EXOC6B: variants seen among roughly 807,000 people sequenced by gnomAD.
EXOC6B encodes the protein SEC15 homolog B.
Under a neutral mutation model 113.5 loss-of-function variants are expected in EXOC6B, and 54 were observed. That is an observed-to-expected ratio of 0.48 (90% CI 0.38 to 0.60). The LOEUF is 0.60. Ranked by LOEUF, EXOC6B falls within the 20% of genes least tolerant of loss-of-function variation. The probability of loss-of-function intolerance (pLI) is 0.00; values close to 1 mark genes in which losing one functional copy is unlikely to be tolerated. For synonymous variants in EXOC6B, 357 were observed against 339.0 expected (o/e 1.05, Z -0.58); for missense variants, 797 against 977.5 (o/e 0.82, Z 2.46).
chr2:72,417,113 C>G (rs1032539610), intron 18 of EXOC6B, among the ~76,000 whole-genome samples: 1 of 152,018 alleles, frequency 6.6e-6, no homozygotes, highest in Non-Finnish European at 1.5e-5. Context: ...TCAGCTTATA[C>G]TCAATTATAA....
Position 72,513,115 on chromosome 2 carries a change from T to C in EXOC6B, c.1167+17A>G, listed in dbSNP as rs1440964427. The C allele has an allele frequency of 6.2e-7, 1 of 1,612,118 alleles. No homozygotes were observed. The highest frequency in any genetic ancestry group is 8.5e-7 in the Non-Finnish European group (1 of 1,178,906). ...AATCAGCTCTAAATAACAACTTCCCTTGGGCTTCTTACATACCGAGTGGGT... is the reference window on the plus strand; with the variant it reads ...AATCAGCTCTAAATAACAACTTCCCCTGGGCTTCTTACATACCGAGTGGGT... On this transcript the variant is annotated intron_variant, in intron 11 of 21. Transcript: ENST00000272427.
intron 20 of EXOC6B, among the ~76,000 whole-genome samples, chr2:72,188,702 C>T (rs538208764): frequency 6.6e-6 from 1 of 152,214 alleles, no homozygotes; most frequent in Non-Finnish European, 1.5e-5. Context: ...TGTTAGATTG[C>T]TATAAATTCT....
At chr2:72,319,833 T>C (rs1420001008) in intron 20 of EXOC6B, among the ~76,000 whole-genome samples, 1 of 150,730 alleles carries the variant, frequency 6.6e-6, no homozygotes, top group East Asian at 1.9e-4. Context: ...AATGAAAATA[T>C]CAGCAAGCTT....
chr2:72,510,178 A>G (rs1300494030), intron 11 of EXOC6B, among the ~76,000 whole-genome samples: 3 of 152,146 alleles, frequency 2.0e-5, no homozygotes, highest in Admixed American at 6.6e-5. Context: ...ATAAGATACA[A>G]TTTCTGAAAT....
At chr2:72,268,035 GAAGAA>G in intron 20 of EXOC6B, among the ~76,000 whole-genome samples, 1 of 152,270 alleles carries the variant, frequency 6.6e-6, no homozygotes, top group African/African-American at 2.4e-5. Flanking sequence ...TTTATTAATA[GAAGAA>G]AAGATAATAA....
At chr2:72,553,517 G>C (rs1487004951) in intron 8 of EXOC6B, among the ~76,000 whole-genome samples, 2 of 151,350 alleles carry the variant, frequency 1.3e-5, no homozygotes, top group African/African-American at 4.9e-5. Flanking sequence ...ACATGAGAAG[G>C]GACTTATTTT....
intron 20 of EXOC6B, among the ~76,000 whole-genome samples, chr2:72,328,112 G>A (rs934847358): frequency 2.6e-5 from 4 of 151,912 alleles, no homozygotes; most frequent in African/African-American, 9.7e-5. Flanking sequence ...TTAGGAATAG[G>A]AATTATTTCC....
chr2:72,486,375 A>G (rs948777462), intron 16 of EXOC6B, among the ~76,000 whole-genome samples: 1 of 152,148 alleles, frequency 6.6e-6, no homozygotes, highest in Non-Finnish European at 1.5e-5. Context: ...TCTCAAAAAA[A>G]AAAAAAGAAA....
intron 12 of EXOC6B, among the ~76,000 whole-genome samples, chr2:72,499,160 A>G (rs186001453): frequency 6.6e-6 from 1 of 152,244 alleles, no homozygotes; most frequent in East Asian, 1.9e-4. Flanking sequence ...AAGAGATAAA[A>G]AGACCTAGTT....
intron 1 of EXOC6B, among the ~76,000 whole-genome samples, chr2:72,808,309 A>C (rs1182212068): frequency 6.6e-6 from 1 of 152,236 alleles, no homozygotes; most frequent in Non-Finnish European, 1.5e-5. Context: ...AATATTTAAC[A>C]CAATTGTAAA....
chr2:72,406,616 C>A (rs930400132), intron 18 of EXOC6B, among the ~76,000 whole-genome samples: 2 of 151,988 alleles, frequency 1.3e-5, no homozygotes, highest in African/African-American at 4.8e-5. Context: ...GGGTACATAA[C>A]GAAATGAAGG....
chr2:72,778,898 T>G (rs141935080), intron 1 of EXOC6B, among the ~76,000 whole-genome samples: 3 of 152,148 alleles, frequency 2.0e-5, no homozygotes, highest in African/African-American at 7.2e-5. Flanking sequence ...ATATTAGTTT[T>G]TTTAAAAAAG....
chr2:72,241,846 G>T lies in EXOC6B; in HGVS notation c.2197-57659C>A, dbSNP rs1573069251. Among the ~76,000 whole-genome samples, 4 of 152,222 alleles carry T rather than the reference G, an allele frequency of 2.6e-5. No individual in the cohort carries two copies. In the South Asian group the frequency reaches 8.3e-4, roughly 32 times the overall value. Reference sequence around the variant, plus strand: ...GAAATTTGTGCTGGTAGACCTGCTCGCAAGAAATTTTAAAAGAAGTTCTTC... The same window carrying T: ...GAAATTTGTGCTGGTAGACCTGCTCTCAAGAAATTTTAAAAGAAGTTCTTC... On this transcript the variant is annotated intron_variant, in intron 20 of 21. Coordinates refer to ENST00000272427, the MANE Select transcript of EXOC6B (RefSeq NM_015189.3).
chr2:72,352,709 G>A, intron 19 of EXOC6B, among the ~76,000 whole-genome samples: 1 of 148,674 alleles, frequency 6.7e-6, no homozygotes, highest in Admixed American at 6.7e-5. Context: ...AAAAAAAAAA[G>A]ATAAAAGTTA....
intron 6 of EXOC6B, among the ~76,000 whole-genome samples, chr2:72,661,598 C>T (rs1041594058): frequency 4.6e-5 from 7 of 151,988 alleles, no homozygotes; most frequent in African/African-American, 1.7e-4. Flanking sequence ...CTACGAAATG[C>T]TAATTGAAGA....
At chr2:72,494,180 T>C (rs1699909409) in intron 15 of EXOC6B, among the ~76,000 whole-genome samples, 1 of 152,166 alleles carries the variant, frequency 6.6e-6, no homozygotes, top group South Asian at 2.1e-4. Flanking sequence ...ATCCCATTAC[T>C]AATATTATTC....
chr2:72,707,414 C>T (rs1220888066), intron 6 of EXOC6B, among the ~76,000 whole-genome samples: 4 of 148,676 alleles, frequency 2.7e-5, no homozygotes, highest in Non-Finnish European at 5.9e-5. Flanking sequence ...TGTCATTTTT[C>T]TTTTCTTTTT....
intron 20 of EXOC6B, among the ~76,000 whole-genome samples, chr2:72,296,075 C>T (rs770887705): frequency 1.2e-4 from 18 of 151,670 alleles, no homozygotes; most frequent in Non-Finnish European, 1.9e-4. Flanking sequence ...ATAACAGAAT[C>T]CTGAACATGT....
rs569054126 is a variant in EXOC6B at position 72,651,525 on chromosome 2, T to C, written c.669+66578A>G. Among the ~76,000 whole-genome samples the C allele has an allele frequency of 2.5e-4, 38 of 152,316 alleles. No individual in the cohort carries two copies. The Middle Eastern group carries it at 0.014, about 55-fold the overall frequency. The stretch of plus-strand genomic sequence containing the variant: ...GTTATTAGGTTGTTGCAAAAGTAAT[T>C]GCAGTTTTCAGCCATTAAAACAGCA... On this transcript the variant is annotated intron_variant, in intron 6 of 21. Transcript: ENST00000272427.
Sources: gnomAD v4.1 joint callset for allele counts (sites outside exome capture counted in the v4.1 genomes callset) on GRCh38, gnomAD v4.1.1 for gene constraint, MANE v1.5 for transcripts, NCBI Gene and HGNC (gene_info 2026-07-23, HGNC 2026-07-21) for gene names.